Variants in TPO observed in about 807,000 individuals in gnomAD.
TPO encodes the protein thyroid microsomal antigen.
In TPO, 78 loss-of-function variants were observed where a neutral mutation model predicts 96.9. The ratio of observed to expected loss-of-function variants is 0.81; its 90% CI spans 0.67 to 0.97. TPO has a LOEUF of 0.97. Among genes scored for constraint, TPO ranks in the 50% least tolerant of loss-of-function variants. TPO has a pLI of 0.00. For missense variants in TPO, 1,252 were observed against 1,274.8 expected, an observed-to-expected ratio of 0.98 and a Z score of 0.27; for synonymous variants, 547 against 538.0, an observed-to-expected ratio of 1.02 and a Z score of -0.23.
At chr2:1,536,127 CAAATCCCCCAAT>C (rs1679601953) in intron 15 of TPO, among the ~76,000 whole-genome samples, 1 of 41,214 alleles carries the variant, frequency 2.4e-5, no homozygotes, top group Non-Finnish European at 4.7e-5. Flanking sequence ...GCAACCTCCC[CAAATCCCCCAAT>C]CTATGCAACC....
chr2:1,424,673 C>T (rs1366687407), intron 3 of TPO, among the ~76,000 whole-genome samples: 2 of 152,202 alleles, frequency 1.3e-5, no homozygotes, highest in Non-Finnish European at 2.9e-5. Context: ...ATACACTATA[C>T]TATACACCTA....
At chr2:1,442,453 A>T (rs10184419) in intron 5 of TPO, among the ~76,000 whole-genome samples, 11,243 of 152,304 alleles carry the variant, frequency 0.074, 538 homozygotes, top group Admixed American at 0.1. Flanking sequence ...ACATATGATT[A>T]TTCATAAGCA....
chr2:1,425,086 A>G (rs1322248231), intron 3 of TPO, among the ~76,000 whole-genome samples: 1 of 150,578 alleles, frequency 6.6e-6, no homozygotes, highest in Non-Finnish European at 1.5e-5. Flanking sequence ...GAGTTTGATT[A>G]TTTCATATCC....
intron 9 of TPO, among the ~76,000 whole-genome samples, chr2:1,486,510 C>G (rs1252678459): frequency 2.0e-5 from 3 of 152,028 alleles, no homozygotes; most frequent in African/African-American, 7.2e-5. Flanking sequence ...GCATTCCAGA[C>G]TGGGCAACAG....
chr2:1,397,384 TCCCTGAGTG>T lies in TPO; in HGVS notation n.180+22994_180+23002del, dbSNP rs554716688. 1.4e-4 allele frequency among the ~76,000 whole-genome samples: 21 copies of T among 152,250 alleles called. No individual in the cohort carries two copies. The East Asian group carries it at 3.9e-3, about 28-fold the overall frequency. Reference sequence around the variant, plus strand: ...CTTCCATAGGTATGTGAGGATGCCTTCCCTGAGTGCCCTGAGTGCCTGCAGATGCCGTGG... The same window carrying T: ...CTTCCATAGGTATGTGAGGATGCCTTCCCTGAGTGCCTGCAGATGCCGTGG... On this transcript the variant is annotated intron_variant and non_coding_transcript_variant, in intron 1 of 5. Transcript: ENST00000497517.
chr2:1,539,296 A>C (rs2125343121), intron 15 of TPO, among the ~76,000 whole-genome samples: 2 of 152,340 alleles, frequency 1.3e-5, no homozygotes, highest in East Asian at 3.9e-4. Context: ...ATGTCAGTGT[A>C]TTCTCACTGA....
chr2:1,488,967 C>A (rs1416952438), intron 10 of TPO, among the ~76,000 whole-genome samples: 1 of 152,214 alleles, frequency 6.6e-6, no homozygotes, highest in Non-Finnish European at 1.5e-5. Flanking sequence ...CTCCCTGCAC[C>A]CAAACACAGC....
chr2:1,433,617 G>T lies in TPO; in HGVS notation c.349+10G>T, dbSNP rs749805399. The T allele has an allele frequency of 3.1e-6, 5 of 1,612,852 alleles. No individual in the cohort carries two copies. Among genetic ancestry groups the T allele is most frequent in the Non-Finnish European group, 4.2e-6 (5 of 1,179,270 alleles). ...TCACAGCATCCAACGGGTAATGTGT[G>T]CCCCTCTCCCCACTGAGGAGCGGCA... is the stretch of plus-strand genomic sequence containing the variant. On this transcript the variant is annotated intron_variant, in intron 4 of 16. Coordinates refer to ENST00000329066, the MANE Select transcript of TPO (RefSeq NM_001206744.2).
chr2:1,496,917 CCCCTTGG>C (rs1221731343), intron 13 of TPO, 152 bp downstream of exon 13: 32 of 1,230,306 alleles, frequency 2.6e-5, no homozygotes, highest in Non-Finnish European at 3.6e-5. Flanking sequence ...CAAGGGCTCT[CCCCTTGG>C]CTGGCCATGT....
intron 1 of TPO, among the ~76,000 whole-genome samples, chr2:1,401,265 C>T (rs1662167279): frequency 6.6e-6 from 1 of 152,152 alleles, no homozygotes; most frequent in Non-Finnish European, 1.5e-5. Flanking sequence ...TTAGAAGACT[C>T]GTGAATTGGG....
chr2:1,471,254 A>G (rs1460277143), intron 7 of TPO, among the ~76,000 whole-genome samples: 2 of 152,186 alleles, frequency 1.3e-5, no homozygotes, highest in African/African-American at 2.4e-5. Flanking sequence ...TTATGGGCTC[A>G]GTTCTGGGTG....
chr2:1,388,478 C>A (rs981302525), intron 1 of TPO, among the ~76,000 whole-genome samples: 1 of 152,172 alleles, frequency 6.6e-6, no homozygotes, highest in Non-Finnish European at 1.5e-5. Flanking sequence ...TAGCAGTGAG[C>A]GAGGCTCTGT....
rs1013778751 is a variant in TPO at position 1,468,292 on chromosome 2, T to A, written c.820-8794T>A. 5.3e-5 allele frequency among the ~76,000 whole-genome samples: 8 copies of A among 152,124 alleles called. No individual in the cohort carries two copies. In the East Asian group the frequency reaches 7.7e-4, roughly 15 times the overall value. ...GGTTTTTTTAATTGTATTTTTGTTGTATAGGTCCTGTGAGATTTATGCTTT... is the reference window on the plus strand; with the variant it reads ...GGTTTTTTTAATTGTATTTTTGTTGAATAGGTCCTGTGAGATTTATGCTTT... On this transcript the variant is annotated intron_variant, in intron 7 of 16. Transcript: ENST00000329066.
intron 16 of TPO, chr2:1,541,034 A>C: frequency 7.6e-7 from 1 of 1,322,064 alleles, no homozygotes; most frequent in Middle Eastern, 2.2e-4. Context: ...GAGGAAGGAG[A>C]AGCTGAAGCA....
At chr2:1,438,225 C>T (rs1316414391) in intron 5 of TPO, among the ~76,000 whole-genome samples, 1 of 152,062 alleles carries the variant, frequency 6.6e-6, no homozygotes, top group Non-Finnish European at 1.5e-5. Context: ...CGGGGCTGCT[C>T]TCTGAATGGG....
chr2:1,534,495 C>T (rs1280669613), intron 15 of TPO, among the ~76,000 whole-genome samples: 3 of 104,540 alleles, frequency 2.9e-5, no homozygotes. Flanking sequence ...CCAAACCCCC[C>T]ACGCAGTGTG....
intron 1 of TPO, among the ~76,000 whole-genome samples, chr2:1,383,342 A>G (rs1227927104): frequency 6.6e-6 from 1 of 152,196 alleles, no homozygotes; most frequent in Non-Finnish European, 1.5e-5. Flanking sequence ...AGTCCCATTA[A>G]CAGTGTAAAA....
chr2:1,447,015 T>C (rs560865403), intron 5 of TPO, among the ~76,000 whole-genome samples: 2 of 152,212 alleles, frequency 1.3e-5, no homozygotes, highest in East Asian at 3.9e-4. Context: ...TGTGTGTGTA[T>C]TGTAAACCAA....
intron 15 of TPO, among the ~76,000 whole-genome samples, chr2:1,527,846 T>TAAATCCCCC (rs1558414277): frequency 1.0e-3 from 59 of 58,922 alleles, no homozygotes; most frequent in Admixed American, 2.9e-3. Context: ...TGCAACCTCC[T>TAAATCCCCC]CAAATCCCCC....
Sources: allele counts gnomAD v4.1 joint callset (sites outside exome capture counted in the v4.1 genomes callset), GRCh38; gene constraint gnomAD v4.1.1; transcripts MANE v1.5; gene names NCBI Gene and HGNC (gene_info 2026-07-23, HGNC 2026-07-21).